ETV6: variants seen among roughly 807,000 people sequenced by gnomAD.
ETV6 encodes ETS variant transcription factor 6, also known as transcription factor ETV6.
ETV6 carries 16 observed loss-of-function variants against 51.1 expected under a neutral mutation model. The ratio of observed to expected loss-of-function variants is 0.31; its 90% confidence interval spans 0.21 to 0.48. The LOEUF (loss-of-function observed/expected upper bound fraction) is 0.48, where lower values mean the gene tolerates loss of function less well. Ranked by LOEUF, ETV6 falls within the 20% of genes least tolerant of loss-of-function variation. The pLI is 0.99. For missense variants in ETV6, 458 were observed against 594.8 expected (o/e 0.77, Z 2.39); for synonymous variants, 240 against 224.1 (o/e 1.07, Z -0.64).
At chr12:11,777,281 CATATA>C (rs1320128196) in intron 2 of ETV6, among the ~76,000 whole-genome samples, 5 of 149,690 alleles carry the variant, frequency 3.3e-5, no homozygotes, top group Admixed American at 2.7e-4. Flanking sequence ...TTTAAATGCT[CATATA>C]ATATAATTGA....
intron 2 of ETV6, among the ~76,000 whole-genome samples, chr12:11,813,047 C>G (rs1006350588): frequency 6.6e-6 from 1 of 152,158 alleles, no homozygotes; most frequent in African/African-American, 2.4e-5. Flanking sequence ...TTCAGTTCGC[C>G]GGGATGTCTA....
intron 4 of ETV6, among the ~76,000 whole-genome samples, chr12:11,854,522 C>T (rs1300398625): frequency 2.0e-5 from 3 of 152,172 alleles, no homozygotes; most frequent in Non-Finnish European, 4.4e-5. Flanking sequence ...AATTAGATGA[C>T]TTGGATTATA....
intron 1 of ETV6, among the ~76,000 whole-genome samples, chr12:11,731,442 C>T (rs576795822): frequency 6.0e-4 from 92 of 152,110 alleles, no homozygotes; most frequent in African/African-American, 2.0e-3. Flanking sequence ...GTTTGTTTCT[C>T]CTTAATATTT....
At chr12:11,749,322 CA>C (rs1865972886) in intron 1 of ETV6, among the ~76,000 whole-genome samples, 1 of 150,202 alleles carries the variant, frequency 6.7e-6, no homozygotes, top group East Asian at 2.0e-4. Context: ...CACACACACA[CA>C]CACACACACA....
At chr12:11,762,250 C>A (rs775117234) in intron 2 of ETV6, among the ~76,000 whole-genome samples, 14 of 152,194 alleles carry the variant, frequency 9.2e-5, no homozygotes, top group Non-Finnish European at 1.6e-4. Flanking sequence ...TCTCATAGCC[C>A]CCTTTCTGGC....
At chr12:11,850,247 C>T (rs1258694051) in intron 3 of ETV6, among the ~76,000 whole-genome samples, 1 of 152,148 alleles carries the variant, frequency 6.6e-6, no homozygotes, top group Non-Finnish European at 1.5e-5. Flanking sequence ...GACCCTGCTC[C>T]CTTGGCCAGC....
At chr12:11,858,890 T>A (rs1429750360) in intron 4 of ETV6, among the ~76,000 whole-genome samples, 1 of 152,054 alleles carries the variant, frequency 6.6e-6, no homozygotes, top group Non-Finnish European at 1.5e-5. Flanking sequence ...AACTAGCACA[T>A]GGGAATGGCT....
At chr12:11,729,567 G>T (rs1370385002) in intron 1 of ETV6, among the ~76,000 whole-genome samples, 2 of 152,182 alleles carry the variant, frequency 1.3e-5, no homozygotes, top group Non-Finnish European at 2.9e-5. Context: ...TCCCTGTCCT[G>T]TTTGGTATGA....
rs1014404037 is a variant in ETV6 at position 11,895,103 on chromosome 12, C to T, written c.*4057C>T. On this transcript the variant is annotated 3_prime_UTR_variant, in exon 8 of 8. Transcript: ENST00000396373. ...TGCATCAACACTAAACAGCTGCAGA[C>T]CCCCTGAATCTTTCACACATGCCAA... 4.3e-6 allele frequency: 1 copy of T among 233,430 alleles called. No homozygotes were observed. Among genetic ancestry groups the T allele is most frequent in the African/African-American group, 2.2e-5 (1 of 45,296 alleles). 14.5% of individuals were successfully genotyped at this position (233,430 alleles called of 1,614,324 possible).
intron 1 of ETV6, among the ~76,000 whole-genome samples, chr12:11,681,518 G>C (rs1192917471): frequency 6.6e-6 from 1 of 152,056 alleles, no homozygotes; most frequent in Non-Finnish European, 1.5e-5. Flanking sequence ...CCACAATTTA[G>C]TGAATAAATC....
chr12:11,880,291 T>C (rs1032145578), intron 5 of ETV6, among the ~76,000 whole-genome samples: 2 of 152,252 alleles, frequency 1.3e-5, no homozygotes, highest in Non-Finnish European at 2.9e-5. Context: ...AAATGTCATT[T>C]AAAATGATCA....
At chr12:11,775,586 C>T (rs567145581) in intron 2 of ETV6, among the ~76,000 whole-genome samples, 2 of 152,080 alleles carry the variant, frequency 1.3e-5, no homozygotes, top group African/African-American at 4.8e-5. Context: ...CTTGTTAATC[C>T]GTGGAATTTA....
At position 11,727,736 on chromosome 12, in the gene ETV6, C is replaced by T. The variant is rs183947303; in HGVS notation, c.34-24714C>T. Among the ~76,000 whole-genome samples the T allele has an allele frequency of 1.8e-3, 275 of 152,318 alleles. 1 individual carries two copies. The highest frequency in any genetic ancestry group is 5.3e-3 in the African/African-American group (219 of 41,574). On this transcript the variant is annotated intron_variant, in intron 1 of 7. Coordinates refer to ENST00000396373, the MANE Select transcript of ETV6 (RefSeq NM_001987.5). ...GAAGAGGCCTAAGGGCCTGGTGGCC[C>T]GCAGGTGTGAGCCCCTCTGGTGGCT...
intron 1 of ETV6, among the ~76,000 whole-genome samples, chr12:11,699,045 C>A (rs1864929290): frequency 6.6e-6 from 1 of 152,210 alleles, no homozygotes; most frequent in Non-Finnish European, 1.5e-5. Flanking sequence ...CACGATGCTG[C>A]CATGTTCAGG....
intron 1 of ETV6, among the ~76,000 whole-genome samples, chr12:11,732,332 G>A (rs1865614581): frequency 6.6e-6 from 1 of 152,166 alleles, no homozygotes; most frequent in African/African-American, 2.4e-5. Context: ...GAAACAAGAA[G>A]TGTGATCTCA....
At position 11,713,371 on chromosome 12, in the gene ETV6, C is replaced by T. The variant is rs73288757; in HGVS notation, c.34-39079C>T. Among the ~76,000 whole-genome samples the T allele has an allele frequency of 8.5e-3, 1,287 of 152,290 alleles. 18 individuals are homozygous for T. The highest frequency in any genetic ancestry group is 0.028 in the African/African-American group (1,167 of 41,558). ...CTCCTTCAGCCTTTGTGTGTCTAGACTTTCCGTTAAGATTAGATTACTTGT... is the reference window on the plus strand; with the variant it reads ...CTCCTTCAGCCTTTGTGTGTCTAGATTTTCCGTTAAGATTAGATTACTTGT... On this transcript the variant is annotated intron_variant, in intron 1 of 7. Transcript: ENST00000396373.
At position 11,894,470 on chromosome 12, in the gene ETV6, T is replaced by C; in HGVS notation, c.*3424T>C. 4.3e-6 allele frequency: 1 copy of C among 233,268 alleles called. No homozygotes were observed. The allele number at this position is 233,268 out of a possible 1,614,324, so 14.4% of individuals were successfully genotyped here. A position where few individuals can be genotyped will look rare whatever the true frequency, so the allele number is the denominator to read the frequency against. On this transcript the variant is annotated 3_prime_UTR_variant, in exon 8 of 8. Coordinates refer to ENST00000396373, the MANE Select transcript of ETV6 (RefSeq NM_001987.5). Reference sequence around the variant, plus strand: ...TTGCTTAAGGTGGCATCACCAATGTTCCAAATCCTTTAGGGAGATGAGGGT... The same window carrying C: ...TTGCTTAAGGTGGCATCACCAATGTCCCAAATCCTTTAGGGAGATGAGGGT...
At chr12:11,754,243 C>T (rs1362166065) in intron 2 of ETV6, among the ~76,000 whole-genome samples, 1 of 152,140 alleles carries the variant, frequency 6.6e-6, no homozygotes, top group Non-Finnish European at 1.5e-5. Context: ...CTTCTGTGTC[C>T]TGGGGGTGCA....
Position 11,650,493 on chromosome 12 carries a change from AAACAAAAAAC to A in ETV6, c.33+336_33+345del, listed in dbSNP as rs1356398753. 2.3e-3 allele frequency among the ~76,000 whole-genome samples: 150 copies of A among 65,476 alleles called. 1 individual carries two copies. Among genetic ancestry groups the A allele is most frequent in the East Asian group, 3.3e-3 (9 of 2,698 alleles). The allele number at this position is 65,476 out of a possible 152,430, so 43.0% of individuals were successfully genotyped here. ...TAATTAGTGCGCTTAAAAAAAAAAAAAACAAAAAACAAAAAAAAAAAACCTGCTCCCTATT... is the reference window on the plus strand; with the variant it reads ...TAATTAGTGCGCTTAAAAAAAAAAAAAAAAAAAAAAAACCTGCTCCCTATT... On this transcript the variant is annotated intron_variant, in intron 1 of 7. Coordinates refer to ENST00000396373, the MANE Select transcript of ETV6 (RefSeq NM_001987.5).
Sources: gnomAD v4.1 joint callset for allele counts (sites outside exome capture counted in the v4.1 genomes callset) on GRCh38, gnomAD v4.1.1 for gene constraint, MANE v1.5 for transcripts, NCBI Gene and HGNC (gene_info 2026-07-23, HGNC 2026-07-21) for gene names.